Variants in PKNOX1 observed in about 807,000 individuals in gnomAD.
PKNOX1 encodes the protein homeobox protein PKNOX1.
A neutral mutation model predicts 51.9 loss-of-function variants in PKNOX1; 15 were observed. The observed-to-expected ratio is 0.29, with a 90% CI of 0.19 to 0.45. PKNOX1 has a LOEUF of 0.45. PKNOX1 is among the 20% of genes least tolerant of loss of function. The pLI is 1.00. For missense variants in PKNOX1, 462 were observed against 547.5 expected (o/e 0.84, Z 1.56); for synonymous variants, 219 against 211.1 (o/e 1.04, Z -0.32).
At chr21:42,991,743 A>C (rs1014340224) in intron 1 of PKNOX1, among the ~76,000 whole-genome samples, 7 of 152,292 alleles carry the variant, frequency 4.6e-5, no homozygotes, top group South Asian at 2.1e-4. Context: ...CAAAAAAAAA[A>C]AAACAAACCA....
chr21:43,005,467 A>C (rs1275978304), intron 2 of PKNOX1, among the ~76,000 whole-genome samples: 4 of 147,876 alleles, frequency 2.7e-5, no homozygotes, highest in Non-Finnish European at 5.9e-5. Context: ...AAGGAGGGAG[A>C]TTCTGTGATG....
chr21:43,016,942 C>T lies in PKNOX1; in HGVS notation c.557C>T (p.Pro186Leu). 6.2e-7 allele frequency: 1 copy of T among 1,612,686 alleles called. No homozygotes were observed. The highest frequency in any genetic ancestry group is 1.1e-5 in the South Asian group (1 of 91,048). ...IQSAITGTIS[P>L]QGIVVPASAL... is the part of the protein sequence containing the mutation. ...AGTGCCATCACAGGCACCATCAGCC[C>T]TCAGGGAATTGTGGTGCCGGCGTCC... Residue 186 changes from proline to leucine, a missense_variant, in exon 6 of 11, where the codon CCT (proline) becomes CTT (leucine). Physicochemically the swap from Pro to Leu is moderately conservative, Grantham distance 98 (BLOSUM62 -3). This residue lies in a region of PKNOX1 where 126 missense variants were observed against 128.1 expected (regional missense o/e 0.98). Coordinates refer to ENST00000291547, the MANE Select transcript of PKNOX1 (RefSeq NM_004571.5).
chr21:43,015,823 T>G (rs1444083528), intron 5 of PKNOX1, among the ~76,000 whole-genome samples: 1 of 152,204 alleles, frequency 6.6e-6, no homozygotes, highest in Non-Finnish European at 1.5e-5. Flanking sequence ...CTCTATTTTT[T>G]TTTTAGTCAG....
At chr21:43,029,372 T>C (rs990162879) in intron 10 of PKNOX1, among the ~76,000 whole-genome samples, 3 of 152,028 alleles carry the variant, frequency 2.0e-5, no homozygotes, top group Non-Finnish European at 4.4e-5. Context: ...GTCTTCATAT[T>C]TTGGATGGTT....
At chr21:43,017,039 A>G in intron 6 of PKNOX1, 32 bp downstream of exon 6, 1 of 1,453,992 alleles carries the variant, frequency 6.9e-7, no homozygotes, top group Non-Finnish European at 9.6e-7. Flanking sequence ...CACACTCTCC[A>G]TGAGTTTTTG....
At chr21:43,011,016 A>AT (rs1387053288) in intron 4 of PKNOX1, among the ~76,000 whole-genome samples, 1 of 150,952 alleles carries the variant, frequency 6.6e-6, no homozygotes, top group Non-Finnish European at 1.5e-5. Context: ...TCCTTGGCTT[A>AT]TCATGGACAT....
intron 7 of PKNOX1, among the ~76,000 whole-genome samples, chr21:43,018,680 T>C (rs1979621779): frequency 6.6e-6 from 1 of 151,894 alleles, no homozygotes; most frequent in South Asian, 2.1e-4. Context: ...ATCATGACAA[T>C]GTCATTGGGC....
chr21:42,990,298 A>AT (rs1487213181), intron 1 of PKNOX1, among the ~76,000 whole-genome samples: 19 of 152,080 alleles, frequency 1.2e-4, no homozygotes. Context: ...GTAACGATCC[A>AT]CTGTGGCTTC....
intron 1 of PKNOX1, among the ~76,000 whole-genome samples, chr21:42,983,109 C>CT (rs35784539): frequency 6.6e-6 from 1 of 151,924 alleles, no homozygotes; most frequent in African/African-American, 2.4e-5. Flanking sequence ...TGTGGCTGGC[C>CT]TTTTTTTTCC....
In PKNOX1 at chr21:43,013,239, G is replaced by A. The variant is rs1451253120; in HGVS notation, c.522+1G>A. The A allele has an allele frequency of 6.3e-7, 1 of 1,575,532 alleles. No individual in the cohort carries two copies. The highest frequency in any genetic ancestry group is 1.4e-5 in the African/African-American group (1 of 73,344). On this transcript the variant is annotated splice_donor_variant, in intron 5 of 10. Transcript: ENST00000291547. LOFTEE classifies it high-confidence loss of function. The stretch of plus-strand genomic sequence containing the variant: ...CCCGTACTCACCAGTGCAGTCCCAG[G>A]TACTTACATTTGGGGGTCTCGCTTT...
chr21:43,012,153 C>T (rs576758369), intron 4 of PKNOX1, among the ~76,000 whole-genome samples: 8 of 152,312 alleles, frequency 5.3e-5, no homozygotes, highest in African/African-American at 1.4e-4. Context: ...AGATGGGCTT[C>T]GGAGCTGCTG....
At chr21:43,011,154 G>A (rs1032784687) in intron 4 of PKNOX1, among the ~76,000 whole-genome samples, 1 of 146,664 alleles carries the variant, frequency 6.8e-6, no homozygotes, top group East Asian at 2.1e-4. Context: ...TGCAAGCTCC[G>A]CCTCCCAGGT....
chr21:42,993,723 C>A (rs1391462888), intron 1 of PKNOX1, among the ~76,000 whole-genome samples: 2 of 102,846 alleles, frequency 1.9e-5, no homozygotes, highest in East Asian at 5.7e-4. Context: ...TATTCGTTAA[C>A]TCTTTTTTTT....
intron 4 of PKNOX1, among the ~76,000 whole-genome samples, chr21:43,011,571 C>T (rs1333483862): frequency 6.6e-6 from 1 of 152,210 alleles, no homozygotes; most frequent in Non-Finnish European, 1.5e-5. Context: ...TGGGTGTGCT[C>T]TCCTGCCAGA....
intron 1 of PKNOX1, among the ~76,000 whole-genome samples, chr21:42,974,872 C>T (rs1015640892): frequency 6.9e-5 from 10 of 145,766 alleles, no homozygotes; most frequent in African/African-American, 2.2e-4. Flanking sequence ...GGAGCGGGCA[C>T]CCGCGGGGGA....
Position 43,032,017 on chromosome 21 carries a change from A to G in PKNOX1, c.*1916A>G. 2.7e-6 allele frequency: 1 copy of G among 368,788 alleles called. No individual in the cohort carries two copies. The allele number at this position is 368,788 out of a possible 1,614,324, so 22.8% of individuals were successfully genotyped here. On this transcript the variant is annotated 3_prime_UTR_variant, in exon 11 of 11. Transcript: ENST00000291547. ...GCTGGGATTACAGGCATGCGCCACC[A>G]CACCCGGCTAATTTTGTATTTTTAG...
chr21:43,019,409 C>A (rs202011976), intron 7 of PKNOX1, among the ~76,000 whole-genome samples: 55 of 146,378 alleles, frequency 3.8e-4, no homozygotes, highest in Non-Finnish European at 4.5e-4. Context: ...ATAAAATAAA[C>A]AAAAAAAAAA....
chr21:43,017,972 G>T (rs1489640687), intron 6 of PKNOX1, 161 bp from the exon 7 acceptor site: 4 of 554,426 alleles, frequency 7.2e-6, no homozygotes, highest in Non-Finnish European at 1.2e-5. Flanking sequence ...CACTTTGGGA[G>T]GCCAAGGCAG....
chr21:43,020,053 C>G (rs1979688248), intron 7 of PKNOX1, among the ~76,000 whole-genome samples: 1 of 151,946 alleles, frequency 6.6e-6, no homozygotes, highest in Admixed American at 6.6e-5. Flanking sequence ...CCACCTTCAC[C>G]TCCTGAGTAG....
Sources: gnomAD v4.1 joint callset for allele counts (sites outside exome capture counted in the v4.1 genomes callset) on GRCh38, gnomAD v4.1.1 for gene constraint, gnomAD v4.1.1 regional missense constraint, MANE v1.5 for transcripts, NCBI Gene and HGNC (gene_info 2026-07-23, HGNC 2026-07-21) for gene names.